Variants in CNGB3 observed in about 807,000 individuals in gnomAD.
The protein encoded by CNGB3 is cyclic nucleotide-gated channel beta-3.
CNGB3 carries 86 observed loss-of-function variants against 92.8 expected under a neutral mutation model. The observed-to-expected ratio is 0.93, with a 90% CI of 0.78 to 1.11. The LOEUF is 1.11. Ranked by LOEUF, CNGB3 falls within the 50% of genes least tolerant of loss-of-function variation. The pLI is 0.00. For missense variants in CNGB3, 1,026 were observed against 956.8 expected (o/e 1.07, Z -0.95); for synonymous variants, 333 against 332.7 (o/e 1.00, Z -0.01).
chr8:86,608,126 T>C (rs936790221), intron 14 of CNGB3, among the ~76,000 whole-genome samples: 2 of 152,232 alleles, frequency 1.3e-5, no homozygotes, highest in African/African-American at 4.8e-5. Flanking sequence ...TTATACCAGA[T>C]ATAGATCTTA....
intron 3 of CNGB3, among the ~76,000 whole-genome samples, chr8:86,716,585 A>G (rs1285817603): frequency 6.6e-6 from 1 of 152,162 alleles, no homozygotes; most frequent in Non-Finnish European, 1.5e-5. Context: ...TAAACAAAAC[A>G]ATTAGCAGCC....
At chr8:86,607,657 G>A (rs375643615) in intron 14 of CNGB3, among the ~76,000 whole-genome samples, 28 of 152,060 alleles carry the variant, frequency 1.8e-4, no homozygotes, top group South Asian at 6.2e-4. Flanking sequence ...CCCAGAAATT[G>A]GTGCTTTAAC....
intron 6 of CNGB3, 46 bp downstream of exon 6, chr8:86,666,879 G>C (rs772834889): frequency 3.5e-6 from 5 of 1,442,200 alleles, no homozygotes; most frequent in Non-Finnish European, 4.9e-6. Context: ...AGCCCAATTA[G>C]ATGTTATTCA....
Position 86,611,673 on chromosome 8 carries a change from T to C in CNGB3, c.1579-2A>G, listed in dbSNP as rs772725807. On this transcript the variant is annotated splice_acceptor_variant, in intron 13 of 17. Coordinates refer to ENST00000320005, the MANE Select transcript of CNGB3 (RefSeq NM_019098.5). LOFTEE classifies it high-confidence loss of function. The stretch of plus-strand genomic sequence containing the variant: ...ATAAATCATCTGTGTATCACAACCC[T>C]ATATAAAAAGAAAAATAATTCTTAT... The C allele has an allele frequency of 6.2e-7, 1 of 1,602,312 alleles. No individual in the cohort carries two copies. Among genetic ancestry groups the C allele is most frequent in the East Asian group, 2.2e-5 (1 of 44,734 alleles).
At chr8:86,736,370 T>C (rs894148014) in intron 2 of CNGB3, among the ~76,000 whole-genome samples, 1 of 152,190 alleles carries the variant, frequency 6.6e-6, no homozygotes, top group Non-Finnish European at 1.5e-5. Context: ...TCTACTCAAA[T>C]AGCTCCTCTG....
chr8:86,627,340 C>T (rs919875761), intron 12 of CNGB3, among the ~76,000 whole-genome samples: 5 of 152,106 alleles, frequency 3.3e-5, no homozygotes, highest in South Asian at 2.1e-4. Context: ...TCTGCCTGCC[C>T]ACTTCAGATG....
chr8:86,596,457 T>C (rs1398421831), intron 15 of CNGB3, among the ~76,000 whole-genome samples: 3 of 152,250 alleles, frequency 2.0e-5, no homozygotes, highest in Non-Finnish European at 2.9e-5. Flanking sequence ...GTTATTCTTA[T>C]AATGAAAACT....
At chr8:86,613,304 A>G (rs1237512723) in intron 13 of CNGB3, among the ~76,000 whole-genome samples, 2 of 152,186 alleles carry the variant, frequency 1.3e-5, no homozygotes, top group Admixed American at 1.3e-4. Flanking sequence ...TTTTTTTTCT[A>G]AAAGGCATGG....
At chr8:86,696,823 G>A (rs541874250) in intron 3 of CNGB3, among the ~76,000 whole-genome samples, 7 of 152,216 alleles carry the variant, frequency 4.6e-5, no homozygotes, top group African/African-American at 1.7e-4. Flanking sequence ...TATAGGTGAA[G>A]TGTGTATCTT....
intron 6 of CNGB3, among the ~76,000 whole-genome samples, chr8:86,664,340 A>C (rs533625602): frequency 2.0e-4 from 31 of 152,242 alleles, no homozygotes; most frequent in Non-Finnish European, 3.8e-4. Context: ...AATATTAAGG[A>C]GATTAAGCGA....
chr8:86,600,776 A>ATTTTTTTTTTTTTT, intron 15 of CNGB3, among the ~76,000 whole-genome samples: 1 of 38,424 alleles, frequency 2.6e-5, no homozygotes, highest in African/African-American at 9.3e-5. Flanking sequence ...CGCTCGGCTA[A>ATTTTTTTTTTTTTT]TTTTTTTTTT....
At chr8:86,605,071 A>T (rs1822387973) in intron 14 of CNGB3, among the ~76,000 whole-genome samples, 1 of 152,138 alleles carries the variant, frequency 6.6e-6, no homozygotes, top group Admixed American at 6.5e-5. Flanking sequence ...CTGGAGAGAA[A>T]AATGCATCCA....
chr8:86,585,570 C>G (rs567189887), intron 15 of CNGB3, among the ~76,000 whole-genome samples: 1 of 151,856 alleles, frequency 6.6e-6, no homozygotes, highest in South Asian at 2.1e-4. Flanking sequence ...AATGTAGGAG[C>G]AAAACAAAAA....
chr8:86,596,989 A>G (rs1172757278), intron 15 of CNGB3, among the ~76,000 whole-genome samples: 2 of 148,890 alleles, frequency 1.3e-5, no homozygotes, highest in Admixed American at 6.7e-5. Flanking sequence ...GAACACATGG[A>G]GACAGGGAGG....
chr8:86,712,289 C>CT (rs1474752325), intron 3 of CNGB3, among the ~76,000 whole-genome samples: 1 of 151,862 alleles, frequency 6.6e-6, no homozygotes, highest in South Asian at 2.1e-4. Context: ...AATGCAAAGT[C>CT]TTTTTTATTT....
chr8:86,638,342 A>C (rs1174724232), intron 10 of CNGB3, among the ~76,000 whole-genome samples: 1 of 152,136 alleles, frequency 6.6e-6, no homozygotes, highest in Non-Finnish European at 1.5e-5. Flanking sequence ...CCCTCTAACA[A>C]TATGTGAGTT....
At chr8:86,577,647 A>G (rs1241008651) in intron 17 of CNGB3, among the ~76,000 whole-genome samples, 1 of 152,120 alleles carries the variant, frequency 6.6e-6, no homozygotes, top group Non-Finnish European at 1.5e-5. Context: ...ATTTAATTTG[A>G]TCAATTGATT....
At chr8:86,690,626 C>T (rs1824293446) in intron 3 of CNGB3, among the ~76,000 whole-genome samples, 1 of 152,080 alleles carries the variant, frequency 6.6e-6, no homozygotes. Flanking sequence ...GACATGAAGT[C>T]CTTGCCCATG....
chr8:86,624,377 TC>T (rs1432014373), intron 13 of CNGB3, among the ~76,000 whole-genome samples: 1 of 152,116 alleles, frequency 6.6e-6, no homozygotes, highest in Non-Finnish European at 1.5e-5. Flanking sequence ...TGGGATTGTG[TC>T]ACTGTACTCC....
Sources: gnomAD v4.1 joint callset for allele counts (sites outside exome capture counted in the v4.1 genomes callset) on GRCh38, gnomAD v4.1.1 for gene constraint, MANE v1.5 for transcripts, NCBI Gene and HGNC (gene_info 2026-07-23, HGNC 2026-07-21) for gene names.